Variants in WASHC5 observed in about 807,000 individuals in gnomAD.
The protein encoded by WASHC5 is WASH complex subunit 5.
A neutral mutation model predicts 150.4 loss-of-function variants in WASHC5; 101 were observed. The observed-to-expected ratio is 0.67, with a 90% CI of 0.57 to 0.79. WASHC5 has a LOEUF of 0.79. Ranked by LOEUF, WASHC5 falls within the 30% of genes least tolerant of loss-of-function variation. WASHC5 has a pLI of 0.00. For missense variants in WASHC5, 1,195 were observed against 1,396.3 expected (o/e 0.86, Z 2.30); for synonymous variants, 467 against 491.2 (o/e 0.95, Z 0.65).
intron 6 of WASHC5, among the ~76,000 whole-genome samples, chr8:125,078,339 C>T (rs116848917): frequency 0.023 from 3,521 of 152,284 alleles, 64 homozygotes; most frequent in Middle Eastern, 0.13. Context: ...TAAGATAACA[C>T]CCATCTTGCT....
Position 125,081,695 on chromosome 8 carries a change from T to C in WASHC5, c.484A>G (p.Arg162Gly), listed in dbSNP as rs1563636087. 6.2e-7 allele frequency: 1 copy of C among 1,612,234 alleles called. No individual in the cohort carries two copies. The highest frequency in any genetic ancestry group is 8.5e-7 in the Non-Finnish European group (1 of 1,178,452). ...TAGTAAGAAACCAGCATCCTCTCTCTGACTTCTCCTTCAATCTTTTGGTCA... is the reference window on the plus strand; with the variant it reads ...TAGTAAGAAACCAGCATCCTCTCTCCGACTTCTCCTTCAATCTTTTGGTCA... ...VIDQKIEGEV[R>G]ERMLVSYYRY... Residue 162 changes from arginine (R) to glycine (G), a missense_variant, in exon 5 of 29, where the codon AGA (arginine) becomes GGA (glycine). This residue lies in a region of WASHC5 where 195 missense variants were observed against 206.9 expected (regional missense o/e 0.94). Transcript: ENST00000318410.
At chr8:125,072,268 C>G (rs571832531) in intron 9 of WASHC5, among the ~76,000 whole-genome samples, 1 of 141,610 alleles carries the variant, frequency 7.1e-6, no homozygotes, top group Non-Finnish European at 1.5e-5. Flanking sequence ...TCGCTTGAGC[C>G]CAGGAGGTCT....
chr8:125,053,557 A>G (rs1355552814), intron 17 of WASHC5, among the ~76,000 whole-genome samples: 1 of 152,186 alleles, frequency 6.6e-6, no homozygotes, highest in Non-Finnish European at 1.5e-5. Context: ...CATCAATTGA[A>G]TTCACCTGGG....
At chr8:125,065,327 T>A (rs115100856) in intron 10 of WASHC5, among the ~76,000 whole-genome samples, 1 of 150,048 alleles carries the variant, frequency 6.7e-6, no homozygotes, top group South Asian at 2.1e-4. Context: ...GTATTGGGTA[T>A]TTTTTTTTTC....
chr8:125,045,308 C>T (rs1816030808), intron 20 of WASHC5, among the ~76,000 whole-genome samples: 1 of 152,196 alleles, frequency 6.6e-6, no homozygotes, highest in Admixed American at 6.5e-5. Context: ...GCACCAGGTG[C>T]TGTGTGTGCT....
At chr8:125,055,807 A>G in intron 16 of WASHC5, 136 bp from the exon 17 acceptor site, 1 of 704,624 alleles carries the variant, frequency 1.4e-6, no homozygotes, top group Non-Finnish European at 2.6e-6. Flanking sequence ...TCTGTGGTAC[A>G]ACTGAAAGCC....
chr8:125,044,681 TCTATGTGA>T lies in WASHC5; in HGVS notation c.2514_2521del (p.Cys838Ter). Reference sequence around the variant, plus strand: ...CATATCATACCAAGTGTTCAGCTGGTCTATGTGACATGTCATTCTAAAATGAAAACAAT... The same window carrying T: ...CATATCATACCAAGTGTTCAGCTGGTCATGTCATTCTAAAATGAAAACAAT... On this transcript the variant is annotated stop_gained and frameshift_variant, in exon 21 of 29. Coordinates refer to ENST00000318410, the MANE Select transcript of WASHC5 (RefSeq NM_014846.4). LOFTEE classifies it high-confidence loss of function. 6.2e-7 allele frequency: 1 copy of T among 1,614,072 alleles called. No individual in the cohort carries two copies. The highest frequency in any genetic ancestry group is 8.5e-7 in the Non-Finnish European group (1 of 1,179,952).
At chr8:125,054,712 G>A (rs1816353478) in intron 17 of WASHC5, among the ~76,000 whole-genome samples, 2 of 152,000 alleles carry the variant, frequency 1.3e-5, no homozygotes, top group Admixed American at 6.5e-5. Context: ...CCAGCTACTC[G>A]GGAGGCTGAG....
At chr8:125,089,761 A>G (rs1370682730) in intron 1 of WASHC5, among the ~76,000 whole-genome samples, 1 of 152,226 alleles carries the variant, frequency 6.6e-6, no homozygotes, top group Non-Finnish European at 1.5e-5. Context: ...TTCGTGTGTC[A>G]ATCTCTTGTT....
rs1336244768 is a variant in WASHC5, at chr8:125,047,227, G to T, written c.2484C>A (p.Ile828=). ...VTFIGRLCRE[I]LRITDPKMTC... ...CCTACTTTGGGTCTGTGATCCGCAGGATTTCTCTGCAGAGTCGACCAATAA... is the reference window on the plus strand; with the variant it reads ...CCTACTTTGGGTCTGTGATCCGCAGTATTTCTCTGCAGAGTCGACCAATAA... The change falls in exon 20 of 29, where the codon ATC becomes ATA. Residue 828 remains isoleucine (I), a synonymous_variant. Transcript: ENST00000318410. 6.2e-7 allele frequency: 1 copy of T among 1,614,030 alleles called. No homozygotes were observed. The highest frequency in any genetic ancestry group is 1.7e-5 in the Admixed American group (1 of 60,020).
chr8:125,049,170 G>T lies in WASHC5; in HGVS notation c.2215C>A (p.Pro739Thr). 1 of 1,614,096 alleles carries T rather than the reference G, an allele frequency of 6.2e-7. No individual in the cohort carries two copies. The highest frequency in any genetic ancestry group is 8.5e-7 in the Non-Finnish European group (1 of 1,180,004). Residue 739 changes from proline to threonine, a missense_variant, in exon 19 of 29, where the codon CCC becomes ACC. Pro to Thr is a conservative substitution (Grantham distance 38, BLOSUM62 -1). Transcript: ENST00000318410. ...GTCGCTCCCAACTCTTTCAGCTTGG[G>T]CATCAATTCACTTGGCTGTGGAAAA... ...NPRAKPSELM[P>T]KLKELGATMD...
chr8:125,052,609 TAC>T (rs34684600), intron 17 of WASHC5, among the ~76,000 whole-genome samples: 8,783 of 141,794 alleles, frequency 0.062, 358 homozygotes, highest in African/African-American at 0.12. Flanking sequence ...TCACACACAC[TAC>T]ACACACACAC....
intron 5 of WASHC5, among the ~76,000 whole-genome samples, chr8:125,079,512 C>G (rs1189931532): frequency 6.6e-6 from 1 of 151,870 alleles, no homozygotes; most frequent in Non-Finnish European, 1.5e-5. Flanking sequence ...TTTTTGAAAG[C>G]CTGTTTAGAA....
In WASHC5 at chr8:125,055,656, G is replaced by A. The variant is rs1403229183; in HGVS notation, c.2032C>T (p.His678Tyr). 3 of 1,608,696 alleles carry A rather than the reference G, an allele frequency of 1.9e-6. No homozygotes were observed. Among genetic ancestry groups the A allele is most frequent in the Non-Finnish European group, 2.6e-6 (3 of 1,175,278 alleles). ...GPRYEVAKLT[H>Y]AISIFTEGIL... ...CCTTCAGTAAAAATGGAAATAGCAT[G>A]AGTAAGCTTGGCAACCTATAACAAA... Residue 678 changes from histidine (H) to tyrosine (Y), a missense_variant, in exon 17 of 29, where the codon CAT becomes TAT. Physicochemically the swap from His to Tyr is moderately conservative, Grantham distance 83. Transcript: ENST00000318410.
intron 12 of WASHC5, 84 bp from the exon 13 acceptor site, chr8:125,059,626 G>T: frequency 2.1e-6 from 2 of 962,594 alleles, no homozygotes; most frequent in Non-Finnish European, 3.3e-6. Flanking sequence ...TTCAAATAAA[G>T]CACACTACTT....
chr8:125,061,754 A>T (rs1338080008), intron 11 of WASHC5, among the ~76,000 whole-genome samples: 1 of 152,218 alleles, frequency 6.6e-6, no homozygotes, highest in African/African-American at 2.4e-5. Flanking sequence ...CATTTCATAC[A>T]GTAGAGAAAG....
intron 14 of WASHC5, among the ~76,000 whole-genome samples, chr8:125,058,552 G>A (rs1402948764): frequency 2.0e-5 from 3 of 152,100 alleles, no homozygotes; most frequent in African/African-American, 7.2e-5. Flanking sequence ...TTCAAGACCA[G>A]CCTGGTCAAC....
chr8:125,060,903 A>G (rs936511127), intron 12 of WASHC5, among the ~76,000 whole-genome samples, 179 bp downstream of exon 12: 1 of 152,130 alleles, frequency 6.6e-6, no homozygotes, highest in Admixed American at 6.6e-5. Context: ...TTCTCTTCAT[A>G]CTAGTTATTT....
chr8:125,070,861 C>T lies in WASHC5; in HGVS notation c.1150+2292G>A, dbSNP rs183134489. Among the ~76,000 whole-genome samples the T allele has an allele frequency of 2.0e-5, 3 of 152,308 alleles. No homozygotes were observed. In the East Asian group the frequency reaches 5.8e-4, roughly 29 times the overall value. ...GAGAGAAGGCTGAGGGGAAACTCCA[C>T]ACATTTTCAAAGATACGAAGGATGA... On this transcript the variant is annotated intron_variant, in intron 9 of 28. Coordinates refer to ENST00000318410, the MANE Select transcript of WASHC5 (RefSeq NM_014846.4).
Sources: gnomAD v4.1 joint callset for allele counts (sites outside exome capture counted in the v4.1 genomes callset) on GRCh38, gnomAD v4.1.1 for gene constraint, gnomAD v4.1.1 regional missense constraint, MANE v1.5 for transcripts, NCBI Gene and HGNC (gene_info 2026-07-23, HGNC 2026-07-21) for gene names.